The following RBFOX1 variants were observed in gnomAD, a reference collection of about 807,000 sequenced individuals.
RBFOX1 encodes RNA binding fox-1 homolog 1, also known as RNA binding protein fox-1 homolog 1.
RBFOX1 carries 8 observed loss-of-function variants against 57.7 expected under a neutral mutation model. The observed-to-expected ratio is 0.14, with a 90% CI of 0.08 to 0.25. The LOEUF (loss-of-function observed/expected upper bound fraction) is 0.25. Among genes scored for constraint, RBFOX1 ranks in the 10% least tolerant of loss-of-function variants. The probability of loss-of-function intolerance (pLI) is 1.00; values close to 1 mark genes in which losing one functional copy is unlikely to be tolerated. For synonymous variants in RBFOX1, 326 were observed against 222.4 expected, an observed-to-expected ratio of 1.47 and a Z score of -4.15; for missense variants, 611 against 548.5, an observed-to-expected ratio of 1.11 and a Z score of -1.14.
chr16:5,427,029 A>G (rs978167477), intron 1 of RBFOX1, among the ~76,000 whole-genome samples: 1 of 151,644 alleles, frequency 6.6e-6, no homozygotes, highest in African/African-American at 2.4e-5. Context: ...CTTTCATGCC[A>G]CCTCCTCTGT....
At chr16:7,456,890 T>G (rs942697723) in intron 4 of RBFOX1, among the ~76,000 whole-genome samples, 1 of 129,204 alleles carries the variant, frequency 7.7e-6, no homozygotes, top group African/African-American at 2.5e-5. Context: ...GAAGGTGTAC[T>G]TTTTTTCTTT....
intron 3 of RBFOX1, among the ~76,000 whole-genome samples, chr16:6,921,376 T>C (rs966003499): frequency 1.3e-5 from 2 of 152,148 alleles, no homozygotes; most frequent in East Asian, 3.9e-4. Context: ...CAAATGGGGA[T>C]GGATATGCTT....
intron 14 of RBFOX1, among the ~76,000 whole-genome samples, chr16:7,697,413 T>G (rs1301317180): frequency 6.6e-6 from 1 of 152,200 alleles, no homozygotes; most frequent in Non-Finnish European, 1.5e-5. Flanking sequence ...TTTATCCCTG[T>G]AGTAATTGTC....
chr16:5,612,054 CT>C (rs371896314), intron 3 of RBFOX1, among the ~76,000 whole-genome samples: 1 of 151,812 alleles, frequency 6.6e-6, no homozygotes, highest in Non-Finnish European at 1.5e-5. Context: ...CTTGATCCAT[CT>C]CTCCATCTAG....
chr16:6,496,298 G>C (rs2095766580), intron 2 of RBFOX1, among the ~76,000 whole-genome samples: 1 of 152,124 alleles, frequency 6.6e-6, no homozygotes, highest in East Asian at 1.9e-4. Context: ...CTAATATTTG[G>C]AACTTCCTTC....
chr16:5,545,943 T>C (rs534343248), intron 2 of RBFOX1, among the ~76,000 whole-genome samples: 155 of 152,246 alleles, frequency 1.0e-3, no homozygotes, highest in African/African-American at 3.6e-3. Context: ...CTAAAAACTT[T>C]TTTTTTGCTG....
intron 3 of RBFOX1, among the ~76,000 whole-genome samples, chr16:6,871,105 C>G (rs2060788186): frequency 6.6e-6 from 1 of 152,178 alleles, no homozygotes; most frequent in Non-Finnish European, 1.5e-5. Flanking sequence ...TTCTTACATT[C>G]TTTAGGATGG....
At chr16:7,261,974 C>T (rs1434825350) in intron 4 of RBFOX1, among the ~76,000 whole-genome samples, 1 of 152,196 alleles carries the variant, frequency 6.6e-6, no homozygotes, top group Non-Finnish European at 1.5e-5. Context: ...GTTGTTAAAT[C>T]ATCCTAACTT....
chr16:5,833,512 A>AAAAAAG (rs1379160773), intron 3 of RBFOX1, among the ~76,000 whole-genome samples: 27 of 150,980 alleles, frequency 1.8e-4, no homozygotes, highest in African/African-American at 6.4e-4. Context: ...AAAAAAAAAA[A>AAAAAAG]AAAGAAAGAA....
intron 2 of RBFOX1, among the ~76,000 whole-genome samples, chr16:6,555,287 A>C (rs1340513406): frequency 6.6e-6 from 1 of 152,120 alleles, no homozygotes; most frequent in East Asian, 1.9e-4. Context: ...AATCCTATCC[A>C]TTGGGCATGA....
intron 3 of RBFOX1, among the ~76,000 whole-genome samples, chr16:5,731,813 C>A (rs1364092236): frequency 6.6e-6 from 1 of 152,114 alleles, no homozygotes; most frequent in Non-Finnish European, 1.5e-5. Context: ...GACAATTTTC[C>A]AGTGGTTTCT....
At chr16:6,457,444 C>CTT (rs1567320108) in intron 2 of RBFOX1, among the ~76,000 whole-genome samples, 2 of 132,936 alleles carry the variant, frequency 1.5e-5, no homozygotes, top group South Asian at 2.4e-4. Context: ...GAAGTCCCCC[C>CTT]CCCCGCAATA....
chr16:7,049,279 G>C (rs1261809334), intron 3 of RBFOX1, among the ~76,000 whole-genome samples: 1 of 152,096 alleles, frequency 6.6e-6, no homozygotes, highest in Non-Finnish European at 1.5e-5. Flanking sequence ...AGAGAAGAGA[G>C]GAAATAAAGA....
chr16:6,314,989 G>C (rs942590310), intron 1 of RBFOX1, among the ~76,000 whole-genome samples: 1 of 152,300 alleles, frequency 6.6e-6, no homozygotes, highest in Non-Finnish European at 1.5e-5. Context: ...GTGAAGATCT[G>C]TCTATCTTCC....
At chr16:6,859,127 ATACATATATATACG>A (rs1438918877) in intron 3 of RBFOX1, among the ~76,000 whole-genome samples, 8 of 67,912 alleles carry the variant, frequency 1.2e-4, no homozygotes, top group African/African-American at 8.2e-4. Flanking sequence ...ATATATATAT[ATACATATATATACG>A]TATATATATA....
chr16:7,216,047 A>G (rs1481383064), intron 4 of RBFOX1, among the ~76,000 whole-genome samples: 2 of 152,136 alleles, frequency 1.3e-5, no homozygotes, highest in Non-Finnish European at 2.9e-5. Context: ...CACTGGAATC[A>G]TACAGTATTT....
chr16:5,454,873 TC>T (rs2068549255), intron 1 of RBFOX1, among the ~76,000 whole-genome samples: 3 of 99,638 alleles, frequency 3.0e-5, no homozygotes, highest in African/African-American at 1.1e-4. Context: ...TTTCTTTCTT[TC>T]TTTCTTTCTT....
intron 4 of RBFOX1, among the ~76,000 whole-genome samples, chr16:5,933,540 T>A (rs1300890472): frequency 6.6e-6 from 1 of 152,158 alleles, no homozygotes; most frequent in Non-Finnish European, 1.5e-5. Flanking sequence ...CAGGGAAAAG[T>A]GACTTAGGAA....
intron 2 of RBFOX1, among the ~76,000 whole-genome samples, chr16:6,612,251 T>C (rs2098071037): frequency 6.6e-6 from 1 of 152,156 alleles, no homozygotes; most frequent in South Asian, 2.1e-4. Flanking sequence ...AATATTCCCC[T>C]AAATGTTAAA....
Sources: allele counts gnomAD v4.1 joint callset (sites outside exome capture counted in the v4.1 genomes callset), GRCh38; gene constraint gnomAD v4.1.1; transcripts MANE v1.5; gene names NCBI Gene and HGNC (gene_info 2026-07-23, HGNC 2026-07-21).